Variants in VWCE observed in about 807,000 individuals in gnomAD.
VWCE encodes von Willebrand factor C and EGF domains.
VWCE carries 68 observed loss-of-function variants against 102.9 expected under a neutral mutation model. That is an observed-to-expected ratio of 0.66 (90% CI 0.54 to 0.81). The LOEUF is 0.81. Among genes scored for constraint, VWCE ranks in the 30% least tolerant of loss-of-function variants. The probability of loss-of-function intolerance (pLI) is 0.00; values close to 1 mark genes in which losing one functional copy is unlikely to be tolerated. For synonymous variants in VWCE, 497 were observed against 515.4 expected (o/e 0.96, Z 0.48); for missense variants, 1,137 against 1,263.6 (o/e 0.90, Z 1.52).
rs772089363 is a variant in VWCE, at chr11:61,281,782, T to C, written c.787+4A>G. ...CCGCCGGGATGGAGGGGCCTGGCGC[T>C]CACCTTCACAGGACACGCGGTCAGC... On this transcript the variant is annotated splice_donor_region_variant and intron_variant, in intron 7 of 19. Coordinates refer to ENST00000335613, the MANE Select transcript of VWCE (RefSeq NM_152718.2). 3.7e-6 allele frequency: 6 copies of C among 1,608,788 alleles called. No homozygotes were observed. In the South Asian group the frequency reaches 6.6e-5, roughly 18 times the overall value.
At chr11:61,290,976 C>T (rs1223631400) in intron 3 of VWCE, 49 bp from the exon 4 acceptor site, 4 of 1,583,838 alleles carry the variant, frequency 2.5e-6, no homozygotes, top group Non-Finnish European at 3.4e-6. Context: ...GCAGTCCCAA[C>T]CATCCCCACT....
intron 11 of VWCE, among the ~76,000 whole-genome samples, chr11:61,276,039 A>G (rs571794259): frequency 1.3e-5 from 2 of 152,260 alleles, no homozygotes; most frequent in Non-Finnish European, 1.5e-5. Flanking sequence ...GCAGAAAGCA[A>G]TCTCCTCCCT....
chr11:61,260,274 C>T (rs1436502758), intron 19 of VWCE, among the ~76,000 whole-genome samples: 2 of 151,542 alleles, frequency 1.3e-5, no homozygotes, highest in Non-Finnish European at 1.5e-5. Context: ...TAAAAAAAGG[C>T]TTTTTTTTGG....
rs1231298557 is a variant in VWCE at position 61,280,680 on chromosome 11, G to A, written c.1268C>T (p.Ala423Val). Residue 423 changes from alanine (A) to valine (V), a missense_variant, in exon 9 of 20, where the codon GCT (alanine) becomes GTT (valine). This residue lies in a region of VWCE where 575 missense variants were observed against 625.9 expected (regional missense o/e 0.92). Coordinates refer to ENST00000335613, the MANE Select transcript of VWCE (RefSeq NM_152718.2). ...GGAGGGAATTGGGTGGGAACAAGCA[G>A]CTTCACACCTCACCTTTTCACAGGT... is the stretch of plus-strand genomic sequence containing the variant. ...KVTCEKVRCE[A>V]ACSHPIPSRD... The A allele has an allele frequency of 1.2e-6, 2 of 1,614,082 alleles. No homozygotes were observed. Among genetic ancestry groups the A allele is most frequent in the South Asian group, 1.1e-5 (1 of 91,076 alleles).
chr11:61,263,661 A>G (rs1854422061), intron 19 of VWCE, among the ~76,000 whole-genome samples: 1 of 152,108 alleles, frequency 6.6e-6, no homozygotes, highest in South Asian at 2.1e-4. Context: ...ATCTAAAAGC[A>G]TCGACTCCAG....
intron 5 of VWCE, among the ~76,000 whole-genome samples, chr11:61,283,400 A>G (rs1261585134): frequency 1.3e-5 from 2 of 151,954 alleles, no homozygotes; most frequent in African/African-American, 4.8e-5. Context: ...TCTGGCTTAA[A>G]TTCTTTTTTG....
At position 61,290,791 on chromosome 11, in the gene VWCE, C is replaced by A. The variant is rs139441314; in HGVS notation, c.424+8G>T. On this transcript the variant is annotated splice_region_variant and intron_variant, in intron 4 of 19. Transcript: ENST00000335613. ...CTCCCCCTCCCCCACCACTCCCAGG[C>A]GTCTCACCTGTACACCTGATGCCAA... The A allele has an allele frequency of 1.3e-6, 2 of 1,599,798 alleles. No individual in the cohort carries two copies. Among genetic ancestry groups the A allele is most frequent in the Admixed American group, 1.7e-5 (1 of 58,694 alleles).
chr11:61,259,610 G>T (rs534748820), intron 19 of VWCE, among the ~76,000 whole-genome samples: 2 of 152,148 alleles, frequency 1.3e-5, no homozygotes, highest in Admixed American at 1.3e-4. Flanking sequence ...AAGGGTGCAC[G>T]GAGAGTCTCA....
chr11:61,260,616 C>T (rs1854326013), intron 19 of VWCE, among the ~76,000 whole-genome samples: 1 of 152,146 alleles, frequency 6.6e-6, no homozygotes, highest in Non-Finnish European at 1.5e-5. Flanking sequence ...TTTAATACAG[C>T]TCACTTCCTG....
intron 6 of VWCE, 36 bp downstream of exon 6, chr11:61,282,753 C>T (rs773078169): frequency 1.3e-6 from 2 of 1,563,572 alleles, no homozygotes; most frequent in Non-Finnish European, 1.8e-6. Context: ...GATTGGCAGC[C>T]TAAGTGTGCA....
chr11:61,292,834 A>C (rs1165015584), intron 1 of VWCE, among the ~76,000 whole-genome samples: 1 of 152,128 alleles, frequency 6.6e-6, no homozygotes, highest in Non-Finnish European at 1.5e-5. Flanking sequence ...CTGGAAGGGC[A>C]GCATCTAGGC....
rs371857728 is a variant in VWCE at position 61,276,639 on chromosome 11, G to C, written c.1449C>G (p.Gly483=). Residue 483 remains glycine (G), a synonymous_variant, in exon 11 of 20, where the codon GGC becomes GGG. Transcript: ENST00000335613. ...VSCISPECPS[G]PCQTPPQTDC... is the part of the protein sequence containing the mutation. ...CCGTCTGTGGGGGGGTCTGACAGGG[G>C]CCAGAAGGACACTCAGGAGAGATGC... 6.2e-7 allele frequency: 1 copy of C among 1,608,434 alleles called. No homozygotes were observed. Among genetic ancestry groups the C allele is most frequent in the Non-Finnish European group, 8.5e-7 (1 of 1,177,410 alleles).
rs543454553 is a variant in VWCE, at chr11:61,285,571, T to C, written c.541+743A>G. Among the ~76,000 whole-genome samples, 11 of 152,196 alleles carry C rather than the reference T, an allele frequency of 7.2e-5. 1 individual carries two copies. The highest frequency in any genetic ancestry group is 2.4e-4 in the African/African-American group (10 of 41,524). On this transcript the variant is annotated intron_variant, in intron 5 of 19. Transcript: ENST00000335613. ...GTGGGGCAGGTGAAACTGATGAATG[T>C]AGTCAGTGAATGACCCCATCCCGGT... is the stretch of plus-strand genomic sequence containing the variant.
At chr11:61,285,698 T>C (rs1454680636) in intron 5 of VWCE, among the ~76,000 whole-genome samples, 1 of 152,188 alleles carries the variant, frequency 6.6e-6, no homozygotes, top group Non-Finnish European at 1.5e-5. Context: ...CACTCTGCCC[T>C]GGCTCTCCTC....
chr11:61,259,366 G>A, intron 19 of VWCE, 54 bp from the exon 20 acceptor site: 1 of 1,521,276 alleles, frequency 6.6e-7, no homozygotes, highest in Non-Finnish European at 8.8e-7. Flanking sequence ...AGTGGCCAAG[G>A]TGGCTCTGGG....
intron 4 of VWCE, 125 bp downstream of exon 4, chr11:61,290,674 A>ACAT: frequency 2.7e-6 from 3 of 1,117,330 alleles, no homozygotes; most frequent in Non-Finnish European, 3.7e-6. Flanking sequence ...CCACTCTCAA[A>ACAT]CATCAGAGCC....
rs148487281 is a variant in VWCE at position 61,259,128 on chromosome 11, C to T, written c.2415G>A (p.Thr805=). 14 of 1,614,092 alleles carry T rather than the reference C, an allele frequency of 8.7e-6. No homozygotes were observed. The highest frequency in any genetic ancestry group is 6.6e-5 in the South Asian group (6 of 91,066). Residue 805 remains threonine, a synonymous_variant, in exon 20 of 20, where the codon ACG becomes ACA. Coordinates refer to ENST00000335613, the MANE Select transcript of VWCE (RefSeq NM_152718.2). ...GTAAAGTCTGTGTTTTCATCAAGTTCGTTCTTAAAAGGAGCTGGAGGAGAT... is the reference window on the plus strand; with the variant it reads ...GTAAAGTCTGTGTTTTCATCAAGTTTGTTCTTAAAAGGAGCTGGAGGAGAT... ...VLHLLQLLLR[T]NLMKTQTLPT...
intron 5 of VWCE, among the ~76,000 whole-genome samples, chr11:61,285,006 C>T (rs1215827045): frequency 1.3e-5 from 2 of 151,824 alleles, no homozygotes; most frequent in African/African-American, 4.8e-5. Context: ...CAAGTGAGGA[C>T]ACAGCAAGAA....
At chr11:61,264,934 T>C in intron 18 of VWCE, 22 bp downstream of exon 18, 1 of 1,612,600 alleles carries the variant, frequency 6.2e-7, no homozygotes, top group Non-Finnish European at 8.5e-7. Flanking sequence ...GGGCCGCTCC[T>C]GGGTTCCCAG....
Sources: allele counts gnomAD v4.1 joint callset (sites outside exome capture counted in the v4.1 genomes callset), GRCh38; gene constraint gnomAD v4.1.1; regional missense constraint gnomAD v4.1.1; transcripts MANE v1.5; gene names NCBI Gene and HGNC (gene_info 2026-07-23, HGNC 2026-07-21).